The following ANKS1B variants were observed in gnomAD, a reference collection of about 807,000 sequenced individuals.
ANKS1B encodes ankyrin repeat and sterile alpha motif domain-containing protein 1B.
ANKS1B carries 36 observed loss-of-function variants against 148.3 expected under a neutral mutation model. The ratio of observed to expected loss-of-function variants is 0.24; its 90% CI spans 0.19 to 0.32. ANKS1B has a LOEUF of 0.32. Among genes scored for constraint, ANKS1B ranks in the 10% least tolerant of loss-of-function variants. The pLI is 1.00. For synonymous variants in ANKS1B, 542 were observed against 560.8 expected (o/e 0.97, Z 0.47); for missense variants, 1,157 against 1,542.6 (o/e 0.75, Z 4.19).
At position 98,735,525 on chromosome 12, in the gene ANKS1B, T is replaced by G. The variant is rs370766797; in HGVS notation, c.*35A>C. The G allele has an allele frequency of 1.5e-3, 1,066 of 723,436 alleles. 2 individuals carry two copies. Among genetic ancestry groups the G allele is most frequent in the Non-Finnish European group, 2.5e-3 (949 of 379,648 alleles). The allele number at this position is 723,436 out of a possible 1,614,324, so 44.8% of individuals were successfully genotyped here. Reference sequence around the variant, plus strand: ...AAGCTAAATACATCAACCTTTCTATTTAGGCTTTATCAGCTATATGTAAAT... The same window carrying G: ...AAGCTAAATACATCAACCTTTCTATGTAGGCTTTATCAGCTATATGTAAAT... On this transcript the variant is annotated 3_prime_UTR_variant, in exon 10 of 10. Coordinates refer to the ANKS1B transcript ENST00000341752.
chr12:99,320,502 C>T (rs886397413), intron 12 of ANKS1B, among the ~76,000 whole-genome samples: 5 of 152,172 alleles, frequency 3.3e-5, no homozygotes, highest in Admixed American at 2.6e-4. Context: ...GAAGCTTGTG[C>T]ATGCATCATG....
chr12:99,241,964 A>C (rs1044300730), intron 14 of ANKS1B, among the ~76,000 whole-genome samples: 11 of 152,220 alleles, frequency 7.2e-5, no homozygotes, highest in African/African-American at 2.7e-4. Flanking sequence ...CAAAAACTGG[A>C]AGCATTCCCT....
intron 1 of ANKS1B, among the ~76,000 whole-genome samples, chr12:99,894,321 G>GAGGA: frequency 1.4e-5 from 1 of 74,002 alleles, no homozygotes; most frequent in South Asian, 5.1e-4. Context: ...GGGAGGGAGG[G>GAGGA]AGGGAGGGAA....
At chr12:99,668,094 AC>A (rs2098518367) in intron 8 of ANKS1B, among the ~76,000 whole-genome samples, 1 of 152,204 alleles carries the variant, frequency 6.6e-6, no homozygotes, top group Admixed American at 6.5e-5. Flanking sequence ...AAAGGATTTC[AC>A]CAGTAAACCA....
At chr12:99,932,140 C>T (rs894702927) in intron 1 of ANKS1B, among the ~76,000 whole-genome samples, 4 of 152,070 alleles carry the variant, frequency 2.6e-5, no homozygotes, top group African/African-American at 4.8e-5. Flanking sequence ...ATTGTGTATA[C>T]GTGACACATT....
At chr12:99,520,110 A>G (rs1056170672) in intron 9 of ANKS1B, among the ~76,000 whole-genome samples, 1 of 152,194 alleles carries the variant, frequency 6.6e-6, no homozygotes, top group South Asian at 2.1e-4. Flanking sequence ...TACATGCCAC[A>G]ATTACAGTGC....
chr12:98,880,000 T>C (rs1242839548), intron 17 of ANKS1B, among the ~76,000 whole-genome samples: 3 of 152,122 alleles, frequency 2.0e-5, no homozygotes, highest in Non-Finnish European at 4.4e-5. Flanking sequence ...CTTTGCACAG[T>C]AGGAAAAGTA....
intron 14 of ANKS1B, among the ~76,000 whole-genome samples, chr12:99,165,690 A>C (rs1290780640): frequency 2.3e-5 from 1 of 43,154 alleles, no homozygotes; most frequent in Non-Finnish European, 4.4e-5. Flanking sequence ...GTTAAATTCT[A>C]CCAAACATAT....
chr12:98,737,007 A>C (rs901383473), intron 9 of ANKS1B, among the ~76,000 whole-genome samples: 1 of 152,218 alleles, frequency 6.6e-6, no homozygotes, highest in African/African-American at 2.4e-5. Context: ...TTATCTGAAA[A>C]ATGAGGATCC....
downstream of ANKS1B, among the ~76,000 whole-genome samples, chr12:98,742,503 T>A (rs2097807362): frequency 6.6e-6 from 1 of 152,268 alleles, no homozygotes; most frequent in African/African-American, 2.4e-5. Flanking sequence ...GAAGCAACTC[T>A]AAGGAAAGTG....
At chr12:99,420,838 T>C (rs1243658458) in intron 11 of ANKS1B, among the ~76,000 whole-genome samples, 2 of 152,220 alleles carry the variant, frequency 1.3e-5, no homozygotes, top group Non-Finnish European at 2.9e-5. Flanking sequence ...CTAAAACTCC[T>C]TTCTTCATCT....
chr12:99,415,350 A>T (rs1240946832), intron 11 of ANKS1B, among the ~76,000 whole-genome samples: 1 of 152,164 alleles, frequency 6.6e-6, no homozygotes, highest in Non-Finnish European at 1.5e-5. Flanking sequence ...ATTTCAAGTG[A>T]TTTGTTTCAT....
intron 17 of ANKS1B, among the ~76,000 whole-genome samples, chr12:99,037,207 A>C (rs1568483701): frequency 6.6e-6 from 1 of 152,178 alleles, no homozygotes; most frequent in Admixed American, 6.5e-5. Context: ...GCCAAGGTAA[A>C]CCAAACTAAA....
intron 2 of ANKS1B, among the ~76,000 whole-genome samples, chr12:99,821,253 T>G (rs2082460050): frequency 6.6e-6 from 1 of 151,980 alleles, no homozygotes; most frequent in Non-Finnish European, 1.5e-5. Flanking sequence ...GAGATGGGGT[T>G]AGAATCTTCC....
chr12:99,446,842 T>C (rs139191890), intron 10 of ANKS1B, among the ~76,000 whole-genome samples: 2 of 152,128 alleles, frequency 1.3e-5, no homozygotes, highest in African/African-American at 4.8e-5. Flanking sequence ...TACTATATAG[T>C]ATAATATTTA....
At chr12:99,652,151 G>GAC (rs140215168) in intron 9 of ANKS1B, among the ~76,000 whole-genome samples, 81 of 149,718 alleles carry the variant, frequency 5.4e-4, no homozygotes, top group East Asian at 2.2e-3. Context: ...AATATTCACA[G>GAC]ACACACACAC....
At chr12:99,935,830 T>C (rs988443985) in intron 1 of ANKS1B, among the ~76,000 whole-genome samples, 17 of 152,136 alleles carry the variant, frequency 1.1e-4, no homozygotes, top group Admixed American at 8.5e-4. Flanking sequence ...CTACAGGATG[T>C]GTACCCTATA....
intron 9 of ANKS1B, among the ~76,000 whole-genome samples, chr12:99,611,660 G>A (rs1472621064): frequency 6.6e-6 from 1 of 152,064 alleles, no homozygotes; most frequent in African/African-American, 2.4e-5. Flanking sequence ...TGTTGTAGCA[G>A]CTTCAGTGAA....
chr12:98,856,354 T>C (rs533722759), intron 17 of ANKS1B, among the ~76,000 whole-genome samples: 2 of 152,168 alleles, frequency 1.3e-5, no homozygotes, highest in African/African-American at 4.8e-5. Flanking sequence ...TGGCTTTGAT[T>C]TGAGGCAGAC....
Sources: gnomAD v4.1 joint callset for allele counts (sites outside exome capture counted in the v4.1 genomes callset) on GRCh38, gnomAD v4.1.1 for gene constraint, MANE v1.5 for transcripts, NCBI Gene and HGNC (gene_info 2026-07-23, HGNC 2026-07-21) for gene names.